Variants in TMEM178A observed in about 807,000 individuals in gnomAD.
TMEM178A encodes transmembrane protein 178.
A neutral mutation model predicts 29.1 loss-of-function variants in TMEM178A; 12 were observed. The observed-to-expected ratio is 0.41, with a 90% CI of 0.26 to 0.67. The LOEUF (loss-of-function observed/expected upper bound fraction) is 0.67. Ranked by LOEUF, TMEM178A falls within the 30% of genes least tolerant of loss-of-function variation. The probability of loss-of-function intolerance (pLI) is 0.29; values close to 1 mark genes in which losing one functional copy is unlikely to be tolerated. For missense variants in TMEM178A, 366 were observed against 419.1 expected, an observed-to-expected ratio of 0.87 and a Z score of 1.11; for synonymous variants, 210 against 187.2, an observed-to-expected ratio of 1.12 and a Z score of -0.99.
At chr2:39,665,816 A>G, upstream of TMEM178A, 1 of 618,418 alleles carries the variant, frequency 1.6e-6, no homozygotes, top group Non-Finnish European at 2.3e-6. Flanking sequence ...GGGGAGAGGG[A>G]GCGAGCCGGG....
At chr2:39,669,178 T>C (rs1670302697) in intron 1 of TMEM178A, among the ~76,000 whole-genome samples, 1 of 152,172 alleles carries the variant, frequency 6.6e-6, no homozygotes, top group Non-Finnish European at 1.5e-5. Flanking sequence ...AAGAACTGTC[T>C]GGCATGCTTA....
At chr2:39,675,811 A>T (rs1271496416) in intron 1 of TMEM178A, among the ~76,000 whole-genome samples, 1 of 152,012 alleles carries the variant, frequency 6.6e-6, no homozygotes, top group Non-Finnish European at 1.5e-5. Flanking sequence ...ACAAGGTTTC[A>T]TTCTGTTGTC....
intron 3 of TMEM178A, 71 bp downstream of exon 3, chr2:39,707,257 C>G: frequency 6.7e-7 from 1 of 1,485,334 alleles, no homozygotes; most frequent in Non-Finnish European, 9.0e-7. Flanking sequence ...TAGCTAGTGT[C>G]GCTTTGTTAT....
downstream of TMEM178A, among the ~76,000 whole-genome samples, chr2:39,721,332 T>C (rs1672698239): frequency 6.6e-6 from 1 of 152,234 alleles, no homozygotes; most frequent in Non-Finnish European, 1.5e-5. Context: ...TCCTAAAACA[T>C]TAGAATATGT....
chr2:39,674,503 G>A (rs1240055872), intron 1 of TMEM178A, among the ~76,000 whole-genome samples: 2 of 152,112 alleles, frequency 1.3e-5, no homozygotes, highest in African/African-American at 4.8e-5. Context: ...ATAGACTTTG[G>A]GGACTTGGGA....
chr2:39,666,439 G>A (rs1558438249), intron 1 of TMEM178A, 65 bp downstream of exon 1: 2 of 1,209,774 alleles, frequency 1.7e-6, no homozygotes, highest in Non-Finnish European at 1.0e-6. Context: ...CGGCTTCCCA[G>A]GGGCGCGCCG....
intron 1 of TMEM178A, among the ~76,000 whole-genome samples, chr2:39,699,128 C>A (rs999033796): frequency 6.6e-6 from 1 of 151,320 alleles, no homozygotes; most frequent in African/African-American, 2.4e-5. Context: ...CAGGTTCCAA[C>A]AATCTTTGTG....
At chr2:39,683,915 G>C (rs894665763) in intron 1 of TMEM178A, among the ~76,000 whole-genome samples, 5 of 152,182 alleles carry the variant, frequency 3.3e-5, no homozygotes, top group African/African-American at 1.2e-4. Flanking sequence ...GCTTTGGATT[G>C]ACTTCTTTAT....
the TMEM178A span, among the ~76,000 whole-genome samples, chr2:39,729,308 C>T: frequency 6.6e-6 from 1 of 152,148 alleles, no homozygotes; most frequent in African/African-American, 2.4e-5. Context: ...GCTGCCTCTC[C>T]CCCAGAAAGT....
chr2:39,718,826 G>A (rs1369132101), downstream of TMEM178A, among the ~76,000 whole-genome samples: 1 of 149,922 alleles, frequency 6.7e-6, no homozygotes, highest in Non-Finnish European at 1.5e-5. Flanking sequence ...CCTTGTTCCC[G>A]ATTCTACACA....
chr2:39,699,679 A>G (rs202192244), intron 1 of TMEM178A, among the ~76,000 whole-genome samples: 9 of 151,358 alleles, frequency 5.9e-5, no homozygotes, highest in African/African-American at 1.9e-4. Context: ...CTGGTCCTCA[A>G]CTCCTGGGTT....
intron 1 of TMEM178A, among the ~76,000 whole-genome samples, chr2:39,678,943 A>G (rs1396896390): frequency 3.9e-5 from 6 of 152,130 alleles, no homozygotes; most frequent in African/African-American, 1.2e-4. Context: ...TCTCTTGTCC[A>G]TCTGGACAGC....
At chr2:39,707,318 T>C (rs1672079784) in intron 3 of TMEM178A, 132 bp downstream of exon 3, 2 of 1,156,696 alleles carry the variant, frequency 1.7e-6, no homozygotes, top group African/African-American at 1.6e-5. Context: ...GAAGGTCATT[T>C]TGGCTTTGCT....
intron 1 of TMEM178A, among the ~76,000 whole-genome samples, chr2:39,670,189 C>T (rs1028037845): frequency 2.6e-5 from 4 of 151,870 alleles, no homozygotes; most frequent in Admixed American, 2.0e-4. Flanking sequence ...ATGTGGGGGG[C>T]GGGGTCTGAA....
chr2:39,673,929 G>A (rs1374495839), intron 1 of TMEM178A, among the ~76,000 whole-genome samples: 1 of 152,108 alleles, frequency 6.6e-6, no homozygotes, highest in Non-Finnish European at 1.5e-5. Flanking sequence ...GGTCCCATGG[G>A]AATGTGCTTT....
At chr2:39,703,246 A>T (rs1440128311) in intron 1 of TMEM178A, among the ~76,000 whole-genome samples, 3 of 152,152 alleles carry the variant, frequency 2.0e-5, no homozygotes, top group Non-Finnish European at 4.4e-5. Context: ...ATGAGAGGAG[A>T]ACATTTTATA....
chr2:39,710,345 G>A (rs1672249853), intron 3 of TMEM178A, among the ~76,000 whole-genome samples: 1 of 152,034 alleles, frequency 6.6e-6, no homozygotes, highest in African/African-American at 2.4e-5. Flanking sequence ...AAATTAAGGG[G>A]GAATCCACTT....
intron 1 of TMEM178A, among the ~76,000 whole-genome samples, chr2:39,681,970 G>C (rs1670888469): frequency 6.6e-6 from 1 of 152,146 alleles, no homozygotes; most frequent in South Asian, 2.1e-4. Flanking sequence ...CTGTAGGCCT[G>C]GCCTTGGCTC....
At chr2:39,704,674 A>G (rs556827448) in intron 2 of TMEM178A, among the ~76,000 whole-genome samples, 3 of 152,332 alleles carry the variant, frequency 2.0e-5, no homozygotes, top group Admixed American at 6.5e-5. Flanking sequence ...AATGAAAGGA[A>G]CTATTCTTTT....
Sources: allele counts gnomAD v4.1 joint callset (sites outside exome capture counted in the v4.1 genomes callset), GRCh38; gene constraint gnomAD v4.1.1; transcripts MANE v1.5; gene names NCBI Gene and HGNC (gene_info 2026-07-23, HGNC 2026-07-21).